KITLG: variants seen among roughly 807,000 people sequenced by gnomAD.
KITLG encodes c-Kit ligand.
A neutral mutation model predicts 34.1 loss-of-function variants in KITLG; 13 were observed. The ratio of observed to expected loss-of-function variants is 0.38; its 90% CI spans 0.25 to 0.61. KITLG has a LOEUF of 0.61. Ranked by LOEUF, KITLG falls within the 20% of genes least tolerant of loss-of-function variation. The pLI, the probability that KITLG is intolerant of heterozygous loss-of-function variation, is 0.60. For synonymous variants in KITLG, 110 were observed against 104.0 expected (o/e 1.06, Z -0.35); for missense variants, 292 against 318.9 (o/e 0.92, Z 0.64).
At chr12:88,498,530 G>T (rs1047975310) in intron 9 of KITLG, among the ~76,000 whole-genome samples, 2 of 152,062 alleles carry the variant, frequency 1.3e-5, no homozygotes, top group African/African-American at 4.8e-5. Flanking sequence ...AAAGCAAAAG[G>T]ATGTATTTTT....
intron 1 of KITLG, among the ~76,000 whole-genome samples, chr12:88,561,075 A>C (rs1371751656): frequency 6.6e-6 from 1 of 152,040 alleles, no homozygotes; most frequent in Non-Finnish European, 1.5e-5. Context: ...TCAACCTTAG[A>C]ATCAGACTGC....
At position 88,518,815 on chromosome 12, in the gene KITLG, G is replaced by A. The variant is rs1869552165; in HGVS notation, c.245C>T (p.Thr82Ile). 1 of 1,613,480 alleles carries A rather than the reference G, an allele frequency of 6.2e-7. No individual in the cohort carries two copies. The highest frequency in any genetic ancestry group is 1.3e-5 in the African/African-American group (1 of 74,908). Residue 82 changes from threonine (T) to isoleucine (I), a missense_variant, in exon 4 of 10, where the codon ACT (threonine) becomes ATT (isoleucine). Around this residue, in one of 2 missense-constraint regions of KITLG, gnomAD observed 152 missense variants for 207.9 expected, o/e 0.73. Transcript: ENST00000644744. ...EMVVQLSDSLTDLLDKFSNIS... is the reference protein window; with the variant it reads ...EMVVQLSDSLIDLLDKFSNIS... Reference sequence around the variant, plus strand: ...ATTTGAAAACTTGTCCAGAAGATCAGTCAAGCTGTCTGACAATTGTACTAC... The same window carrying A: ...ATTTGAAAACTTGTCCAGAAGATCAATCAAGCTGTCTGACAATTGTACTAC...
chr12:88,541,456 A>C (rs1870515577), intron 2 of KITLG, among the ~76,000 whole-genome samples: 1 of 152,206 alleles, frequency 6.6e-6, no homozygotes, highest in Non-Finnish European at 1.5e-5. Flanking sequence ...TCAAATGAAG[A>C]AACAAAGTCG....
intron 1 of KITLG, among the ~76,000 whole-genome samples, chr12:88,566,662 A>G (rs1044054255): frequency 6.6e-6 from 1 of 152,148 alleles, no homozygotes; most frequent in African/African-American, 2.4e-5. Flanking sequence ...AATGAAACTT[A>G]CCACTCGGGA....
Position 88,505,019 on chromosome 12 carries a change from A to T in KITLG, c.*37+140T>A, listed in dbSNP as rs1244935023. ...TAGCATTAGGAGATATACCTAATGT[A>T]AATGACGAGTTAATGGGTGCAGCAC... On this transcript the variant is annotated intron_variant, in intron 9 of 9. Coordinates refer to ENST00000644744, the MANE Select transcript of KITLG (RefSeq NM_000899.5). The T allele has an allele frequency of 6.0e-6, 3 of 503,436 alleles. No individual in the cohort carries two copies. In the East Asian group the frequency reaches 1.2e-4, roughly 20 times the overall value. 31.2% of individuals were successfully genotyped at this position (503,436 alleles called of 1,614,324 possible).
intron 9 of KITLG, among the ~76,000 whole-genome samples, chr12:88,502,749 T>C (rs1868910524): frequency 6.6e-6 from 1 of 152,180 alleles, no homozygotes; most frequent in African/African-American, 2.4e-5. Context: ...TAAAGACCTG[T>C]GTGCCAAAAC....
chr12:88,527,105 T>C (rs139688392), intron 3 of KITLG, among the ~76,000 whole-genome samples: 1,765 of 152,180 alleles, frequency 0.012, 24 homozygotes, highest in Middle Eastern at 0.041. Context: ...CCTGACCTCA[T>C]GATCCACCTG....
Position 88,523,430 on chromosome 12 carries a change from T to C in KITLG, c.193-4563A>G, listed in dbSNP as rs977616607. Among the ~76,000 whole-genome samples, 10 of 152,222 alleles carry C rather than the reference T, an allele frequency of 6.6e-5. 1 individual carries two copies. The highest frequency in any genetic ancestry group is 5.2e-4 in the Admixed American group (8 of 15,282). ...AGCACATAAAACTGAAGTGTTTTTTTCTGCTGAATTCACTATGACCCATGT... is the reference window on the plus strand; with the variant it reads ...AGCACATAAAACTGAAGTGTTTTTTCCTGCTGAATTCACTATGACCCATGT... On this transcript the variant is annotated intron_variant, in intron 3 of 9. Transcript: ENST00000644744.
At chr12:88,532,525 T>C (rs201969446) in intron 2 of KITLG, 22 bp from the exon 3 acceptor site, 10 of 1,462,810 alleles carry the variant, frequency 6.8e-6, no homozygotes, top group Non-Finnish European at 9.5e-6. Flanking sequence ...AAAAAAAAAA[T>C]TCCATAAGAA....
chr12:88,535,153 A>G (rs1870261418), intron 2 of KITLG, among the ~76,000 whole-genome samples: 1 of 152,204 alleles, frequency 6.6e-6, no homozygotes, highest in South Asian at 2.1e-4. Context: ...TGTAAAGAGT[A>G]TGGTGACCAA....
chr12:88,562,766 G>A (rs41307132), intron 1 of KITLG, among the ~76,000 whole-genome samples: 2 of 152,148 alleles, frequency 1.3e-5, no homozygotes. Context: ...GCTCCAAGAA[G>A]GGCAGGGACA....
At chr12:88,520,488 A>C (rs573248675) in intron 3 of KITLG, among the ~76,000 whole-genome samples, 1 of 152,326 alleles carries the variant, frequency 6.6e-6, no homozygotes, top group African/African-American at 2.4e-5. Context: ...TTCCGTTGAA[A>C]TTGTGCAAAT....
At chr12:88,499,749 A>G (rs1429317940) in intron 9 of KITLG, among the ~76,000 whole-genome samples, 1 of 152,158 alleles carries the variant, frequency 6.6e-6, no homozygotes, top group African/African-American at 2.4e-5. Flanking sequence ...CAAGTCTCAC[A>G]TCCCATTAGT....
At chr12:88,539,952 C>A (rs1296891838) in intron 2 of KITLG, among the ~76,000 whole-genome samples, 1 of 151,876 alleles carries the variant, frequency 6.6e-6, no homozygotes, top group Non-Finnish European at 1.5e-5. Flanking sequence ...CTTCAGGAGG[C>A]TTTTCAAGGT....
intron 1 of KITLG, among the ~76,000 whole-genome samples, chr12:88,575,484 C>T (rs1871796151): frequency 6.6e-6 from 1 of 152,090 alleles, no homozygotes; most frequent in African/African-American, 2.4e-5. Context: ...TCTTAAACTC[C>T]CAGCCCCTGT....
At chr12:88,515,685 G>T in intron 5 of KITLG, 68 bp from the exon 6 acceptor site, 1 of 1,173,158 alleles carries the variant, frequency 8.5e-7, no homozygotes, top group African/African-American at 1.5e-5. Context: ...TCCCTGAAAG[G>T]TGAAGTGCAA....
chr12:88,573,623 G>C (rs1302662365), intron 1 of KITLG, among the ~76,000 whole-genome samples: 1 of 152,052 alleles, frequency 6.6e-6, no homozygotes, highest in Non-Finnish European at 1.5e-5. Context: ...GCACTCACAG[G>C]GCTTATGTTC....
chr12:88,526,011 A>G (rs754192664), intron 3 of KITLG, among the ~76,000 whole-genome samples: 12 of 152,168 alleles, frequency 7.9e-5, no homozygotes, highest in Non-Finnish European at 1.3e-4. Flanking sequence ...GGGAGAAGAA[A>G]GGGCATCCTT....
intron 6 of KITLG, among the ~76,000 whole-genome samples, chr12:88,514,747 TA>T (rs1318087489): frequency 6.6e-6 from 1 of 151,732 alleles, no homozygotes; most frequent in Non-Finnish European, 1.5e-5. Context: ...TATTATGAAT[TA>T]GTAATAAATT....
Sources: gnomAD v4.1 joint callset for allele counts (sites outside exome capture counted in the v4.1 genomes callset) on GRCh38, gnomAD v4.1.1 for gene constraint, gnomAD v4.1.1 regional missense constraint, MANE v1.5 for transcripts, NCBI Gene and HGNC (gene_info 2026-07-23, HGNC 2026-07-21) for gene names.